Variants in DMD observed in about 807,000 individuals in gnomAD.
DMD encodes mutant dystrophin.
Under a neutral mutation model 330.1 loss-of-function variants are expected in DMD, and 63 were observed. The ratio of observed to expected loss-of-function variants is 0.19; its 90% confidence interval spans 0.16 to 0.24. DMD has a LOEUF of 0.24. Among genes scored for constraint, DMD ranks in the 10% least tolerant of loss-of-function variants. The pLI, the probability that DMD is intolerant of heterozygous loss-of-function variation, is 1.00. For missense variants in DMD, 3,344 were observed against 2,684.1 expected, an observed-to-expected ratio of 1.25 and a Z score of -5.43; for synonymous variants, 1,223 against 959.8, an observed-to-expected ratio of 1.27 and a Z score of -5.07.
chrX:32,107,892 C>A (rs768559035), intron 44 of DMD, among the ~76,000 whole-genome samples: 70 of 111,047 alleles, frequency 6.3e-4, no homozygotes, highest in African/African-American at 2.3e-3. Flanking sequence ...AAGTGAACAA[C>A]AGTATCATTA....
intron 17 of DMD, among the ~76,000 whole-genome samples, chrX:32,520,451 C>A (rs1213862957): frequency 9.0e-6 from 1 of 111,721 alleles, no homozygotes. Context: ...TCTCTATCTG[C>A]AAGCATCTAT....
At chrX:32,248,341 T>C in intron 43 of DMD, among the ~76,000 whole-genome samples, 1 of 111,935 alleles carries the variant, frequency 8.9e-6, no homozygotes, top group South Asian at 3.6e-4. Flanking sequence ...AAAACACTTA[T>C]ACAACTGTTG....
intron 44 of DMD, among the ~76,000 whole-genome samples, chrX:31,975,911 A>G (rs2095432808): frequency 8.9e-6 from 1 of 111,867 alleles, no homozygotes; most frequent in African/African-American, 3.2e-5. Flanking sequence ...TAAATATTTG[A>G]TGGAAGTATC....
chrX:33,249,142 T>G (rs943248593), intron 1 of DMD, among the ~76,000 whole-genome samples: 3 of 111,802 alleles, frequency 2.7e-5, no homozygotes, highest in Non-Finnish European at 5.6e-5. Context: ...TCGCTCAAAT[T>G]TATTTATTTT....
At chrX:31,529,114 C>T (rs1029072190) in intron 55 of DMD, among the ~76,000 whole-genome samples, 3 of 110,985 alleles carry the variant, frequency 2.7e-5, no homozygotes, top group Non-Finnish European at 5.7e-5. Context: ...CCCAGCTACT[C>T]AGGAGGCTGA....
intron 1 of DMD, among the ~76,000 whole-genome samples, chrX:33,207,185 A>C (rs1447528978): frequency 2.7e-5 from 3 of 111,560 alleles, no homozygotes; most frequent in Non-Finnish European, 5.7e-5. Context: ...CGCTGGAGCC[A>C]AATGTATTTT....
intron 50 of DMD, among the ~76,000 whole-genome samples, chrX:31,795,132 C>T (rs761101000): frequency 9.0e-6 from 1 of 111,389 alleles, no homozygotes; most frequent in South Asian, 3.8e-4. Flanking sequence ...CAATTGTCTT[C>T]AAGTTTCTAC....
At chrX:31,678,817 T>A (rs2082223505) in intron 53 of DMD, among the ~76,000 whole-genome samples, 2 of 111,705 alleles carry the variant, frequency 1.8e-5, no homozygotes, top group Admixed American at 1.9e-4. Flanking sequence ...GTATACCAAT[T>A]TTGAAGTGAT....
At chrX:32,912,222 C>T (rs1355163130) in intron 2 of DMD, among the ~76,000 whole-genome samples, 1 of 111,048 alleles carries the variant, frequency 9.0e-6, no homozygotes, top group African/African-American at 3.3e-5. Flanking sequence ...GCATATGCAG[C>T]TGTTGCCAAA....
At chrX:32,933,346 G>A (rs1031602249) in intron 2 of DMD, among the ~76,000 whole-genome samples, 3 of 111,199 alleles carry the variant, frequency 2.7e-5, no homozygotes, top group Admixed American at 1.9e-4. Context: ...GCCATTGGTC[G>A]GGGTAGGTGA....
chrX:31,380,538 G>A (rs188833271), intron 60 of DMD, among the ~76,000 whole-genome samples: 2 of 111,001 alleles, frequency 1.8e-5, no homozygotes, highest in African/African-American at 3.3e-5. Flanking sequence ...GTTATCACTC[G>A]CCTGCTACAG....
chrX:32,585,270 G>A (rs1191055175), intron 13 of DMD, among the ~76,000 whole-genome samples: 1 of 111,987 alleles, frequency 8.9e-6, no homozygotes, highest in African/African-American at 3.2e-5. Context: ...TTCGATAGCA[G>A]AGTAGGAAGA....
rs753274868 is a variant in DMD at position 32,454,769 on chromosome X, G to C, written c.3496C>G (p.Leu1166Val). Residue 1166 changes from leucine to valine, a missense_variant, in exon 26 of 79, where the codon CTA becomes GTA. Coordinates refer to ENST00000357033, the MANE Select transcript of DMD (RefSeq NM_004006.3). ...LEKTVSLQKDLSEMHEWMTQA... is the reference protein window; with the variant it reads ...LEKTVSLQKDVSEMHEWMTQA... ...GTCATCCATTCGTGCATCTCTGATA[G>C]ATCTTTCTGGAGGCTTACAGTTTTC... 15 of 1,203,017 alleles carry C rather than the reference G, an allele frequency of 1.2e-5. No individual in the cohort carries two copies. In the Admixed American group the frequency reaches 2.7e-4, roughly 21 times the overall value.
At chrX:31,149,486 T>C (rs1391749761) in intron 74 of DMD, among the ~76,000 whole-genome samples, 6 of 112,380 alleles carry the variant, frequency 5.3e-5, no homozygotes, top group Admixed American at 9.4e-5. Context: ...TGAAAATGCT[T>C]GTTGAAATTT....
At chrX:32,903,413 T>C (rs1324139885) in intron 2 of DMD, among the ~76,000 whole-genome samples, 2 of 110,217 alleles carry the variant, frequency 1.8e-5, no homozygotes, top group East Asian at 5.8e-4. Context: ...AAAACCAAAT[T>C]ACAAAGGGCA....
chrX:32,293,200 G>A (rs1223708766), intron 42 of DMD, among the ~76,000 whole-genome samples: 1 of 112,461 alleles, frequency 8.9e-6, no homozygotes, highest in Non-Finnish European at 1.9e-5. Flanking sequence ...AGGAATGCAG[G>A]TTAAAACTGT....
chrX:33,184,128 C>A (rs1199621189), intron 1 of DMD, among the ~76,000 whole-genome samples: 1 of 111,850 alleles, frequency 8.9e-6, no homozygotes, highest in Non-Finnish European at 1.9e-5. Context: ...TAAGAATGTG[C>A]ATTTGTGAAA....
At chrX:32,343,610 G>A (rs959145437) in intron 39 of DMD, among the ~76,000 whole-genome samples, 2 of 110,919 alleles carry the variant, frequency 1.8e-5, no homozygotes, top group African/African-American at 3.3e-5. Flanking sequence ...TTTAATATAC[G>A]AATACAATTG....
In DMD at chrX:32,458,102, T is replaced by C. The variant is rs142107041; in HGVS notation, c.3433-3270A>G. ...TATTAATATCATCACATTTTAAAGA[T>C]TGGGAGACTCAAGCACAAAAAGGTT... On this transcript the variant is annotated intron_variant, in intron 25 of 78. Transcript: ENST00000357033. Among the ~76,000 whole-genome samples the C allele has an allele frequency of 6.2e-3, 683 of 110,515 alleles. 7 individuals carry two copies. The highest frequency in any genetic ancestry group is 0.049 in the South Asian group (130 of 2,661).
Sources: gnomAD v4.1 joint callset for allele counts (sites outside exome capture counted in the v4.1 genomes callset) on GRCh38, gnomAD v4.1.1 for gene constraint, MANE v1.5 for transcripts, NCBI Gene and HGNC (gene_info 2026-07-23, HGNC 2026-07-21) for gene names.